Variants in KCNMA1 observed in about 807,000 individuals in gnomAD.
The protein encoded by KCNMA1 is Calcium-activated potassium channel subunit alpha-1.
A neutral mutation model predicts 140.0 loss-of-function variants in KCNMA1; 29 were observed. That is an observed-to-expected ratio of 0.21 (90% CI 0.15 to 0.28). The LOEUF (loss-of-function observed/expected upper bound fraction) is 0.28. Among genes scored for constraint, KCNMA1 ranks in the 10% least tolerant of loss-of-function variants. The pLI, the probability that KCNMA1 is intolerant of heterozygous loss-of-function variation, is 1.00. For missense variants in KCNMA1, 880 were observed against 1,602.2 expected (o/e 0.55, Z 7.70); for synonymous variants, 612 against 611.9 (o/e 1.00, Z 0.00).
At chr10:77,098,250 A>AC (rs1362415800) in intron 9 of KCNMA1, among the ~76,000 whole-genome samples, 2 of 152,194 alleles carry the variant, frequency 1.3e-5, no homozygotes, top group Admixed American at 6.5e-5. Context: ...TGTCCTGCAT[A>AC]CACCCTCTCT....
chr10:77,175,331 G>T (rs1488888317), intron 5 of KCNMA1, among the ~76,000 whole-genome samples: 1 of 152,176 alleles, frequency 6.6e-6, no homozygotes, highest in African/African-American at 2.4e-5. Flanking sequence ...TACTCATCGA[G>T]TTATTGTGAA....
intron 25 of KCNMA1, 127 bp downstream of exon 25, chr10:76,909,839 G>A (rs769022975): frequency 2.5e-4 from 233 of 942,342 alleles, no homozygotes; most frequent in Non-Finnish European, 3.5e-4. Flanking sequence ...CCCCTTCTAA[G>A]GTGTGAGCTT....
In KCNMA1 at chr10:77,131,468, G is replaced by A. The variant is rs527793180; in HGVS notation, c.809-10420C>T. ...ACAGGCGTAACACTGAGAGAACAAG[G>A]CCTGACACAGAGTCATTCTATATAA... is the stretch of plus-strand genomic sequence containing the variant. On this transcript the variant is annotated intron_variant, in intron 5 of 27. Coordinates refer to ENST00000286628, the MANE Select transcript of KCNMA1 (RefSeq NM_001161352.2). Among the ~76,000 whole-genome samples, 148 of 152,190 alleles carry A rather than the reference G, an allele frequency of 9.7e-4. 4 individuals are homozygous for A. In the South Asian group the frequency reaches 0.03, roughly 31 times the overall value.
rs1386872098 is a variant in KCNMA1, at chr10:77,079,371, T to TGTGA, written c.1593+109_1593+110insTCAC. On this transcript the variant is annotated intron_variant, in intron 13 of 27. Transcript: ENST00000286628. ...TTGCGCACATGTGGGCATGTGAGAG[T>TGTGA]GTGTGTGTGTGTGTGTGTGTGTGTG... The TGTGA allele has an allele frequency of 2.8e-5, 15 of 538,140 alleles. No homozygotes were observed. In the East Asian group the frequency reaches 7.9e-4, roughly 28 times the overall value. 33.3% of individuals were successfully genotyped at this position (538,140 alleles called of 1,614,324 possible). A position where few individuals can be genotyped will look rare whatever the true frequency, so the allele number is the denominator to read the frequency against.
chr10:77,085,415 GA>G (rs1468554946), intron 11 of KCNMA1, among the ~76,000 whole-genome samples: 1 of 152,200 alleles, frequency 6.6e-6, no homozygotes, highest in Non-Finnish European at 1.5e-5. Flanking sequence ...ATGTGCTAAT[GA>G]TTGCTTGCAT....
chr10:77,459,815 C>G (rs2097827697), intron 1 of KCNMA1, among the ~76,000 whole-genome samples: 1 of 152,234 alleles, frequency 6.6e-6, no homozygotes, highest in African/African-American at 2.4e-5. Flanking sequence ...TCCTTCCTCA[C>G]TGCGTGGCCT....
At chr10:77,136,271 C>T (rs1397393012) in intron 5 of KCNMA1, among the ~76,000 whole-genome samples, 3 of 152,254 alleles carry the variant, frequency 2.0e-5, no homozygotes, top group East Asian at 1.9e-4. Context: ...ATAGGTCTTA[C>T]GTCTGATACA....
intron 2 of KCNMA1, among the ~76,000 whole-genome samples, chr10:77,283,544 C>T (rs2069492610): frequency 6.6e-6 from 1 of 152,182 alleles, no homozygotes; most frequent in Non-Finnish European, 1.5e-5. Context: ...GCCCTTCAGG[C>T]ACTTGTGCTG....
chr10:77,243,084 C>T (rs1035360252), intron 3 of KCNMA1, among the ~76,000 whole-genome samples: 1 of 152,140 alleles, frequency 6.6e-6, no homozygotes, highest in African/African-American at 2.4e-5. Context: ...CTCCCCAAAG[C>T]TACATGTGTC....
intron 5 of KCNMA1, among the ~76,000 whole-genome samples, chr10:77,162,343 G>C (rs1043033815): frequency 6.6e-6 from 1 of 152,220 alleles, no homozygotes; most frequent in Non-Finnish European, 1.5e-5. Context: ...TTGCAAATTT[G>C]CTGGGGATGA....
chr10:77,508,626 C>CT (rs1567225686), intron 1 of KCNMA1, among the ~76,000 whole-genome samples: 1 of 113,462 alleles, frequency 8.8e-6, no homozygotes, highest in African/African-American at 3.2e-5. Context: ...CTCTCTCTCT[C>CT]TTTTTTTCTT....
chr10:77,027,971 G>T (rs559365001), intron 15 of KCNMA1, 80 bp from the exon 16 acceptor site: 4 of 1,271,062 alleles, frequency 3.1e-6, no homozygotes, highest in Non-Finnish European at 3.4e-6. Context: ...ACGATCTTTC[G>T]GTCTCCTAAT....
intron 1 of KCNMA1, among the ~76,000 whole-genome samples, chr10:77,429,694 C>T (rs2097107116): frequency 6.6e-6 from 1 of 152,176 alleles, no homozygotes; most frequent in African/African-American, 2.4e-5. Flanking sequence ...TTTGACCTAA[C>T]ATCTTGCAAG....
chr10:77,631,105 CCAAAAAAAAAAA>C lies in KCNMA1; in HGVS notation c.378+6148_378+6159del, dbSNP rs1452123759. Among the ~76,000 whole-genome samples the C allele has an allele frequency of 1.0e-4, 9 of 90,146 alleles. No individual in the cohort carries two copies. The South Asian group carries it at 2.1e-3, about 21-fold the overall frequency. The allele number at this position is 90,146 out of a possible 152,430, so 59.1% of individuals were successfully genotyped here. A position where few individuals can be genotyped will look rare whatever the true frequency, so the allele number is the denominator to read the frequency against. On this transcript the variant is annotated intron_variant, in intron 1 of 27. Coordinates refer to ENST00000286628, the MANE Select transcript of KCNMA1 (RefSeq NM_001161352.2). Reference sequence around the variant, plus strand: ...CTGGGCAACAGAGTGAGACCCTGTCCCAAAAAAAAAAAAAAAAAAAAAAAGTTTGAGAAGCCC... The same window carrying C: ...CTGGGCAACAGAGTGAGACCCTGTCCAAAAAAAAAAAAGTTTGAGAAGCCC...
At chr10:77,099,041 A>G (rs1289903471) in intron 9 of KCNMA1, among the ~76,000 whole-genome samples, 1 of 152,098 alleles carries the variant, frequency 6.6e-6, no homozygotes, top group Non-Finnish European at 1.5e-5. Flanking sequence ...TTTTCAGATC[A>G]AAGCAGATTT....
intron 12 of KCNMA1, among the ~76,000 whole-genome samples, chr10:77,081,994 CTTTTTTTCTTTTCTTTTTTTTTTTTT>C (rs2096581190): frequency 4.4e-5 from 3 of 68,516 alleles, no homozygotes; most frequent in Non-Finnish European, 5.5e-5. Flanking sequence ...CCAGTAATTT[CTTTTTTTCTTTTCTTTTTTTTTTTTT>C]TTTTTTTTTT....
intron 6 of KCNMA1, among the ~76,000 whole-genome samples, chr10:77,117,566 GA>G (rs1004047326): frequency 1.0e-4 from 8 of 79,346 alleles, no homozygotes; most frequent in African/African-American, 3.5e-4. Flanking sequence ...AAAAAAAAAA[GA>G]AAAGAAAAGA....
intron 5 of KCNMA1, among the ~76,000 whole-genome samples, chr10:77,176,392 G>A (rs2098751733): frequency 6.6e-6 from 1 of 152,146 alleles, no homozygotes; most frequent in Admixed American, 6.5e-5. Flanking sequence ...CCAAACCTCA[G>A]AGTAAGTTGC....
intron 5 of KCNMA1, among the ~76,000 whole-genome samples, chr10:77,131,098 T>C (rs2097849102): frequency 6.6e-6 from 1 of 152,126 alleles, no homozygotes; most frequent in Non-Finnish European, 1.5e-5. Context: ...GAGTAGTCAC[T>C]ACATGGCAGC....
Sources: gnomAD v4.1 joint callset for allele counts (sites outside exome capture counted in the v4.1 genomes callset) on GRCh38, gnomAD v4.1.1 for gene constraint, MANE v1.5 for transcripts, NCBI Gene and HGNC (gene_info 2026-07-23, HGNC 2026-07-21) for gene names.